Variants in FADS2 observed in about 807,000 individuals in gnomAD.
The protein encoded by FADS2 is fatty acid desaturase 2.
Under a neutral mutation model 61.2 loss-of-function variants are expected in FADS2, and 18 were observed. The observed-to-expected ratio is 0.29, with a 90% CI of 0.20 to 0.44. The LOEUF (loss-of-function observed/expected upper bound fraction) is 0.44. FADS2 is among the 20% of genes least tolerant of loss of function. FADS2 has a pLI of 1.00. For synonymous variants in FADS2, 203 were observed against 223.9 expected, an observed-to-expected ratio of 0.91 and a Z score of 0.83; for missense variants, 322 against 572.7, an observed-to-expected ratio of 0.56 and a Z score of 4.47.
chr11:61,819,349 G>T (rs1051378668), intron 1 of FADS2, among the ~76,000 whole-genome samples: 1 of 152,220 alleles, frequency 6.6e-6, no homozygotes, highest in Admixed American at 6.5e-5. Flanking sequence ...GTCGAGGCAG[G>T]CGGATTGCCT....
intron 1 of FADS2, among the ~76,000 whole-genome samples, chr11:61,836,089 T>TTTTGTTTG (rs146575878): frequency 5.3e-5 from 8 of 152,100 alleles, no homozygotes; most frequent in African/African-American, 1.7e-4. Context: ...CAGGATGTTG[T>TTTTGTTTG]TTTGTTTGTT....
chr11:61,857,118 C>T (rs373471087), intron 6 of FADS2, 47 bp downstream of exon 6: 2 of 1,499,920 alleles, frequency 1.3e-6, no homozygotes, highest in African/African-American at 2.8e-5. Flanking sequence ...TCCCCTCCCC[C>T]CAGAGTGGCG....
chr11:61,859,512 A>G (rs1216019602), intron 7 of FADS2, among the ~76,000 whole-genome samples: 1 of 152,210 alleles, frequency 6.6e-6, no homozygotes, highest in Non-Finnish European at 1.5e-5. Flanking sequence ...CAAATCCAAC[A>G]TATTCAATGT....
rs1591183743 is a variant in FADS2, at chr11:61,865,988, A to C, written c.*299A>C. On this transcript the variant is annotated 3_prime_UTR_variant, in exon 12 of 12. Coordinates refer to ENST00000278840, the MANE Select transcript of FADS2 (RefSeq NM_004265.4). This position sits in a 1 kb window ranked among gnomAD's most constrained non-coding sequence, Gnocchi z 4.1. ...TGGCCACCGGGGGTGGCTCTGTCCTACCTCCACTCTCTGCCCCTAAAGATG... is the reference window on the plus strand; with the variant it reads ...TGGCCACCGGGGGTGGCTCTGTCCTCCCTCCACTCTCTGCCCCTAAAGATG... 2.1e-6 allele frequency: 1 copy of C among 479,708 alleles called. No homozygotes were observed. The highest frequency in any genetic ancestry group is 3.7e-6 in the Non-Finnish European group (1 of 269,846). 29.7% of individuals were successfully genotyped at this position (479,708 alleles called of 1,614,324 possible).
intron 5 of FADS2, chr11:61,856,607 C>G (rs1290333287): frequency 5.7e-6 from 1 of 176,192 alleles, no homozygotes; most frequent in African/African-American, 2.4e-5. Flanking sequence ...GAGAGTTGCT[C>G]TGTTGCACAT....
intron 9 of FADS2, 54 bp from the exon 10 acceptor site, chr11:61,863,653 G>T: frequency 6.7e-7 from 1 of 1,496,022 alleles, no homozygotes; most frequent in Non-Finnish European, 9.3e-7. Context: ...TGGGAATGAG[G>T]CCGGGCCCTT....
chr11:61,855,837 A>G (rs1224068978), intron 5 of FADS2: 1 of 152,356 alleles, frequency 6.6e-6, no homozygotes, highest in Non-Finnish European at 1.5e-5. Context: ...CCTGACTGCA[A>G]TAAGTATGAC....
upstream of FADS2, chr11:61,828,048 G>T (rs946921776): frequency 6.7e-5 from 79 of 1,180,084 alleles, no homozygotes; most frequent in African/African-American, 3.2e-5. This position sits in a 1 kb window ranked among gnomAD's most constrained non-coding sequence, Gnocchi z 6.4. Flanking sequence ...CCGAGGCGGG[G>T]GGAGCCGGAG....
intron 1 of FADS2, among the ~76,000 whole-genome samples, chr11:61,834,594 G>T (rs1469374381): frequency 6.6e-6 from 1 of 152,218 alleles, no homozygotes; most frequent in Non-Finnish European, 1.5e-5. Context: ...AACCTCGACT[G>T]CAGGGTTCGG....
chr11:61,816,872 G>A lies in FADS2; in HGVS notation c.141+446G>A. ...CGCGCGCCCAGAGCCAGCCGCCTGC[G>A]CGCCGGGTTTTCAGCACCGCAGGGC... is the stretch of plus-strand genomic sequence containing the variant. On this transcript the variant is annotated intron_variant, in intron 1 of 11. Coordinates refer to the FADS2 transcript ENST00000257261. This position sits in a 1 kb window ranked among gnomAD's most constrained non-coding sequence, Gnocchi z 7.0. 5.4e-6 allele frequency: 8 copies of A among 1,477,974 alleles called. No homozygotes were observed. Among genetic ancestry groups the A allele is most frequent in the Non-Finnish European group, 7.1e-6 (8 of 1,125,200 alleles). 91.6% of individuals were successfully genotyped at this position (1,477,974 alleles called of 1,614,324 possible). A position where few individuals can be genotyped will look rare whatever the true frequency, so the allele number is the denominator to read the frequency against.
chr11:61,817,395 T>G (rs993526486), intron 1 of FADS2, among the ~76,000 whole-genome samples: 2 of 152,236 alleles, frequency 1.3e-5, no homozygotes, highest in Non-Finnish European at 2.9e-5. Flanking sequence ...CCTTGAAAGT[T>G]GCAGTTATCT....
At chr11:61,845,252 TC>T (rs2067247999) in intron 4 of FADS2, among the ~76,000 whole-genome samples, 2 of 152,170 alleles carry the variant, frequency 1.3e-5, no homozygotes, top group African/African-American at 4.8e-5. Context: ...CACTTAGCTT[TC>T]CTGGCCCCAG....
chr11:61,842,345 C>CT (rs1057197920), intron 4 of FADS2, among the ~76,000 whole-genome samples: 1 of 152,234 alleles, frequency 6.6e-6, no homozygotes, highest in Admixed American at 6.5e-5. Context: ...TAGTGGAGTG[C>CT]TTTGTTTCAT....
At position 61,828,522 on chromosome 11, in the gene FADS2, C is replaced by T. The variant is rs1464790498; in HGVS notation, c.132C>T (p.Tyr44=). Residue 44 remains tyrosine (Y), a synonymous_variant, in exon 1 of 12, where the codon TAC becomes TAT. Transcript: ENST00000278840. The surrounding 1 kb of genome is among the most constrained non-coding windows in gnomAD (Gnocchi z 6.4). ...DRWLVIDRKV[Y]NITKWSIQHP... is the part of the protein sequence containing the mutation. The stretch of plus-strand genomic sequence containing the variant: ...GGCTGGTCATTGACCGCAAGGTTTA[C>T]AACATCACCAAATGGTCCATCCAGC... The T allele has an allele frequency of 6.2e-7, 1 of 1,613,938 alleles. No individual in the cohort carries two copies. The highest frequency in any genetic ancestry group is 1.3e-5 in the African/African-American group (1 of 75,052).
chr11:61,816,962 C>G lies in FADS2; in HGVS notation c.141+536C>G. On this transcript the variant is annotated intron_variant, in intron 1 of 11. Coordinates refer to the FADS2 transcript ENST00000257261. The surrounding 1 kb of genome is among the most constrained non-coding windows in gnomAD (Gnocchi z 7.0). ...GCCTCGTGGCGCGGGGAGCGAGATC[C>G]CGTCCCCCGGTGGGTCTTGGGCAAC... 7 of 1,372,858 alleles carry G rather than the reference C, an allele frequency of 5.1e-6. No individual in the cohort carries two copies. Among genetic ancestry groups the G allele is most frequent in the Middle Eastern group, 2.7e-4 (1 of 3,754 alleles). The allele number at this position is 1,372,858 out of a possible 1,614,324, so 85.0% of individuals were successfully genotyped here. A position where few individuals can be genotyped will look rare whatever the true frequency, so the allele number is the denominator to read the frequency against.
chr11:61,866,171 C>T lies in FADS2; in HGVS notation c.*482C>T. 2.5e-6 allele frequency: 1 copy of T among 398,328 alleles called. No individual in the cohort carries two copies. The highest frequency in any genetic ancestry group is 4.4e-6 in the Non-Finnish European group (1 of 226,374). The allele number at this position is 398,328 out of a possible 1,614,324, so 24.7% of individuals were successfully genotyped here. Reference sequence around the variant, plus strand: ...CTGACCCTCCCGGCCTGGCTTCACTCTCCCTGACGGCTGCCATTGGTCCAC... The same window carrying T: ...CTGACCCTCCCGGCCTGGCTTCACTTTCCCTGACGGCTGCCATTGGTCCAC... On this transcript the variant is annotated 3_prime_UTR_variant, in exon 12 of 12. Coordinates refer to ENST00000278840, the MANE Select transcript of FADS2 (RefSeq NM_004265.4).
chr11:61,839,053 C>G (rs1414990976), intron 2 of FADS2, among the ~76,000 whole-genome samples: 1 of 152,164 alleles, frequency 6.6e-6, no homozygotes, highest in East Asian at 1.9e-4. Context: ...ATCCACTCTC[C>G]TCCCCGTCCG....
intron 1 of FADS2, among the ~76,000 whole-genome samples, chr11:61,835,685 C>A (rs1442803865): frequency 2.0e-5 from 3 of 151,810 alleles, no homozygotes; most frequent in African/African-American, 7.3e-5. Context: ...GATTACCGCA[C>A]CCGGCCCCCT....
chr11:61,823,717 G>C (rs1416421862), upstream of FADS2, among the ~76,000 whole-genome samples: 1 of 152,072 alleles, frequency 6.6e-6, no homozygotes, highest in East Asian at 1.9e-4. Flanking sequence ...GGGTCTCACT[G>C]TGTTGCCCAG....
Sources: gnomAD v4.1 joint callset for allele counts (sites outside exome capture counted in the v4.1 genomes callset) on GRCh38, gnomAD v4.1.1 for gene constraint, Gnocchi (gnomAD v3.1) non-coding constraint, MANE v1.5 for transcripts, NCBI Gene and HGNC (gene_info 2026-07-23, HGNC 2026-07-21) for gene names.